The following ROBO2 variants were observed in gnomAD, a reference collection of about 807,000 sequenced individuals.
The protein encoded by ROBO2 is roundabout guidance receptor 2.
In ROBO2, 53 loss-of-function variants were observed where a neutral mutation model predicts 160.8. The ratio of observed to expected loss-of-function variants is 0.33; its 90% CI spans 0.26 to 0.41. The LOEUF (loss-of-function observed/expected upper bound fraction) is 0.41, where lower values mean the gene tolerates loss of function less well. ROBO2 is among the 10% of genes least tolerant of loss of function. The pLI is 1.00. For missense variants in ROBO2, 1,577 were observed against 1,722.4 expected (o/e 0.92, Z 1.49); for synonymous variants, 664 against 611.7 (o/e 1.09, Z -1.26).
chr3:77,363,694 T>G (rs1279775382), intron 2 of ROBO2, among the ~76,000 whole-genome samples: 1 of 152,156 alleles, frequency 6.6e-6, no homozygotes, highest in African/African-American at 2.4e-5. Flanking sequence ...GGTCTCTCTG[T>G]GTAACATTTC....
intron 2 of ROBO2, among the ~76,000 whole-genome samples, chr3:76,668,470 T>C (rs1412776343): frequency 6.6e-6 from 1 of 152,080 alleles, no homozygotes; most frequent in Admixed American, 6.6e-5. Flanking sequence ...GCTTGGTCAA[T>C]AAAACTTGTT....
At chr3:77,459,695 A>G (rs2082038064) in intron 2 of ROBO2, among the ~76,000 whole-genome samples, 1 of 152,168 alleles carries the variant, frequency 6.6e-6, no homozygotes, top group Non-Finnish European at 1.5e-5. Flanking sequence ...GTAAACTGAG[A>G]TTTGACTAAA....
chr3:76,221,842 C>T (rs1345782723), intron 2 of ROBO2, among the ~76,000 whole-genome samples: 4 of 151,994 alleles, frequency 2.6e-5, no homozygotes, highest in Admixed American at 6.6e-5. Flanking sequence ...TATAAGTCCA[C>T]GGATGGTAGT....
chr3:77,527,442 G>C (rs1364130933), intron 6 of ROBO2, 28 bp downstream of exon 7: 1 of 1,281,626 alleles, frequency 7.8e-7, no homozygotes, highest in South Asian at 1.2e-5. Flanking sequence ...TATCCACTAA[G>C]CATGGCTTTG....
At chr3:77,014,821 CAG>C (rs1447897249) in intron 2 of ROBO2, among the ~76,000 whole-genome samples, 5 of 152,082 alleles carry the variant, frequency 3.3e-5, no homozygotes, top group Admixed American at 1.3e-4. Flanking sequence ...CATGAACAAG[CAG>C]AGTTTCATTT....
At chr3:77,362,107 G>C (rs2070104820) in intron 2 of ROBO2, among the ~76,000 whole-genome samples, 1 of 152,160 alleles carries the variant, frequency 6.6e-6, no homozygotes, top group Non-Finnish European at 1.5e-5. Flanking sequence ...GTTGGAAAGG[G>C]AAAGTCAGGC....
intron 2 of ROBO2, among the ~76,000 whole-genome samples, chr3:77,216,052 A>G (rs939834862): frequency 2.0e-5 from 3 of 152,108 alleles, no homozygotes; most frequent in Non-Finnish European, 2.9e-5. Context: ...GAGGCAGTCT[A>G]TCTGTTCTCA....
chr3:77,327,440 T>C (rs1270980734), intron 2 of ROBO2, among the ~76,000 whole-genome samples: 1 of 152,142 alleles, frequency 6.6e-6, no homozygotes, highest in Non-Finnish European at 1.5e-5. Context: ...TAGGGTGAGA[T>C]TTTCTTCATT....
In ROBO2 at chr3:76,313,723, A is replaced by T. The variant is rs188630787; in HGVS notation, c.109+376121A>T. 1.6e-3 allele frequency among the ~76,000 whole-genome samples: 238 copies of T among 152,324 alleles called. 2 individuals carry two copies. The highest frequency in any genetic ancestry group is 5.5e-3 in the African/African-American group (229 of 41,570). On this transcript the variant is annotated intron_variant, in intron 2 of 26. Coordinates refer to the ROBO2 transcript ENST00000487694. Reference sequence around the variant, plus strand: ...ATCCTGGAAAAGATACCAATAGCAAACAACAAAGTTTTCTTCCGAGTTATT... The same window carrying T: ...ATCCTGGAAAAGATACCAATAGCAATCAACAAAGTTTTCTTCCGAGTTATT...
intron 2 of ROBO2, among the ~76,000 whole-genome samples, chr3:76,646,707 C>T (rs556968205): frequency 2.6e-5 from 4 of 152,144 alleles, no homozygotes; most frequent in East Asian, 1.9e-4. Flanking sequence ...ACGTCTTTAC[C>T]TCTGCCAAGA....
chr3:77,468,279 G>T (rs1438041120), intron 2 of ROBO2, among the ~76,000 whole-genome samples: 1 of 152,200 alleles, frequency 6.6e-6, no homozygotes, highest in Non-Finnish European at 1.5e-5. Flanking sequence ...GCCAACTGCT[G>T]GCTCTTTAAC....
At chr3:77,120,730 G>T (rs960530399) in intron 2 of ROBO2, among the ~76,000 whole-genome samples, 11 of 152,046 alleles carry the variant, frequency 7.2e-5, no homozygotes, top group Admixed American at 7.2e-4. Flanking sequence ...TTTGAATGTG[G>T]ACTTAAATAA....
intron 2 of ROBO2, among the ~76,000 whole-genome samples, chr3:76,682,361 T>G (rs2092585507): frequency 1.3e-5 from 2 of 152,124 alleles, no homozygotes. Context: ...GGAAAGTCTA[T>G]ACTTTCCACT....
At chr3:77,009,725 C>T (rs1222414455) in intron 2 of ROBO2, among the ~76,000 whole-genome samples, 40 of 151,890 alleles carry the variant, frequency 2.6e-4, no homozygotes, top group Admixed American at 2.5e-3. Flanking sequence ...TGGGGAGGGT[C>T]GCCTGAGGTC....
intron 2 of ROBO2, among the ~76,000 whole-genome samples, chr3:76,309,220 A>C (rs1012974428): frequency 2.6e-5 from 4 of 152,200 alleles, no homozygotes; most frequent in Non-Finnish European, 5.9e-5. Flanking sequence ...AGAGAGAGGA[A>C]ATTGTCAGGT....
intron 2 of ROBO2, among the ~76,000 whole-genome samples, chr3:76,403,191 G>A (rs558535632): frequency 2.6e-5 from 4 of 151,642 alleles, no homozygotes; most frequent in South Asian, 2.1e-4. Flanking sequence ...TTTCTTAAAC[G>A]TGTTCAGACT....
At chr3:77,421,148 C>T (rs2077678659) in intron 2 of ROBO2, among the ~76,000 whole-genome samples, 1 of 152,014 alleles carries the variant, frequency 6.6e-6, no homozygotes, top group Non-Finnish European at 1.5e-5. Context: ...TCCTTCTGTG[C>T]CTTAGGTTTT....
intron 2 of ROBO2, among the ~76,000 whole-genome samples, chr3:76,808,921 T>C (rs1410937466): frequency 6.6e-6 from 1 of 152,076 alleles, no homozygotes; most frequent in Non-Finnish European, 1.5e-5. Flanking sequence ...GTATTGGAAA[T>C]ATAGCACTAA....
intron 2 of ROBO2, among the ~76,000 whole-genome samples, chr3:76,854,063 T>TGC (rs1353145439): frequency 2.4e-5 from 2 of 84,058 alleles, no homozygotes; most frequent in Non-Finnish European, 2.6e-5. Context: ...TCTCTCTCTC[T>TGC]CTCTTTCTCT....
Sources: gnomAD v4.1 joint callset for allele counts (sites outside exome capture counted in the v4.1 genomes callset) on GRCh38, gnomAD v4.1.1 for gene constraint, MANE v1.5 for transcripts, NCBI Gene and HGNC (gene_info 2026-07-23, HGNC 2026-07-21) for gene names.